The following DPP10 variants were observed in gnomAD, a reference collection of about 807,000 sequenced individuals.
DPP10 encodes inactive dipeptidyl peptidase 10.
In DPP10, 33 loss-of-function variants were observed where a neutral mutation model predicts 120.9. That is an observed-to-expected ratio of 0.27 (90% CI 0.21 to 0.37). DPP10 has a LOEUF of 0.37. Ranked by LOEUF, DPP10 falls within the 10% of genes least tolerant of loss-of-function variation. The pLI is 1.00. For synonymous variants in DPP10, 337 were observed against 326.1 expected (o/e 1.03, Z -0.36); for missense variants, 816 against 942.8 (o/e 0.87, Z 1.76).
intron 5 of DPP10, among the ~76,000 whole-genome samples, chr2:115,659,398 A>C (rs746286351): frequency 1.3e-5 from 2 of 152,104 alleles, no homozygotes. Context: ...TTATACTAAA[A>C]GTGACCAAAA....
chr2:114,806,554 A>G (rs905308115), intron 1 of DPP10, among the ~76,000 whole-genome samples: 3 of 152,218 alleles, frequency 2.0e-5, no homozygotes, highest in Admixed American at 1.3e-4. Flanking sequence ...TGGGAATGAT[A>G]TGTGTCAATG....
At chr2:115,672,525 G>T (rs1260000996) in intron 5 of DPP10, among the ~76,000 whole-genome samples, 1 of 152,026 alleles carries the variant, frequency 6.6e-6, no homozygotes, top group Non-Finnish European at 1.5e-5. Context: ...AGAAAATGAT[G>T]CACAGTTAAA....
chr2:114,758,033 C>T (rs1005751214), intron 1 of DPP10, among the ~76,000 whole-genome samples: 17 of 152,194 alleles, frequency 1.1e-4, no homozygotes, highest in African/African-American at 3.9e-4. Flanking sequence ...TATACACAGT[C>T]TCAGTGTTGC....
chr2:114,519,367 T>C (rs147156946), intron 1 of DPP10, among the ~76,000 whole-genome samples: 8 of 152,366 alleles, frequency 5.3e-5, no homozygotes, highest in African/African-American at 1.9e-4. Context: ...TTATTTATTT[T>C]ATCAGTGTTG....
intron 5 of DPP10, among the ~76,000 whole-genome samples, chr2:115,688,832 A>G (rs1330925766): frequency 6.6e-6 from 1 of 152,176 alleles, no homozygotes; most frequent in Non-Finnish European, 1.5e-5. Flanking sequence ...ATTTTTAGAT[A>G]TTACATACTT....
intron 1 of DPP10, among the ~76,000 whole-genome samples, chr2:115,105,593 G>T (rs535216735): frequency 1.3e-5 from 2 of 152,112 alleles, no homozygotes; most frequent in Non-Finnish European, 2.9e-5. Context: ...CTCCCACTTG[G>T]CCCTATATCC....
intron 1 of DPP10, among the ~76,000 whole-genome samples, chr2:114,671,316 G>A (rs1698325434): frequency 6.6e-6 from 1 of 152,094 alleles, no homozygotes; most frequent in Non-Finnish European, 1.5e-5. Flanking sequence ...TAACACTGTT[G>A]TTAAGTGTCA....
At chr2:115,520,690 T>G (rs1337833049) in intron 4 of DPP10, among the ~76,000 whole-genome samples, 1 of 152,190 alleles carries the variant, frequency 6.6e-6, no homozygotes, top group African/African-American at 2.4e-5. Flanking sequence ...GCATCTCTCA[T>G]TCTGCCTTCA....
At chr2:114,719,360 C>T (rs1329315731) in intron 1 of DPP10, among the ~76,000 whole-genome samples, 7 of 152,130 alleles carry the variant, frequency 4.6e-5, no homozygotes, top group Non-Finnish European at 1.5e-5. Flanking sequence ...AGCATTGTCA[C>T]CTGGCACAAG....
chr2:114,876,794 C>A (rs1442739480), intron 1 of DPP10, among the ~76,000 whole-genome samples: 1 of 152,026 alleles, frequency 6.6e-6, no homozygotes, highest in Non-Finnish European at 1.5e-5. Flanking sequence ...AATCTTGGAA[C>A]TATTGACATT....
chr2:115,637,368 A>T (rs930575795), intron 5 of DPP10, among the ~76,000 whole-genome samples: 4 of 152,130 alleles, frequency 2.6e-5, no homozygotes, highest in Non-Finnish European at 5.9e-5. Context: ...GGGTAAGTTA[A>T]TTGTTTTTAA....
chr2:115,601,345 G>T (rs904338954), intron 5 of DPP10, among the ~76,000 whole-genome samples: 1 of 152,098 alleles, frequency 6.6e-6, no homozygotes, highest in Non-Finnish European at 1.5e-5. Context: ...TATGCGTTTT[G>T]TTTCTGTAGC....
At chr2:114,911,176 G>A (rs902531307) in intron 1 of DPP10, among the ~76,000 whole-genome samples, 6 of 152,008 alleles carry the variant, frequency 3.9e-5, no homozygotes, top group Non-Finnish European at 5.9e-5. Context: ...TTTATTGTTT[G>A]ATTCTTTTAT....
chr2:115,301,908 T>A (rs780879121), intron 1 of DPP10, among the ~76,000 whole-genome samples: 4 of 152,050 alleles, frequency 2.6e-5, no homozygotes, highest in Non-Finnish European at 5.9e-5. Flanking sequence ...TCTAATTTAC[T>A]GTTAATTCAT....
intron 19 of DPP10, among the ~76,000 whole-genome samples, chr2:115,800,804 T>C (rs1433764504): frequency 1.3e-5 from 2 of 152,220 alleles, no homozygotes; most frequent in Non-Finnish European, 2.9e-5. Flanking sequence ...ATCTCTGTTT[T>C]GGTACGAGTA....
At chr2:115,259,713 C>T (rs908729599) in intron 1 of DPP10, among the ~76,000 whole-genome samples, 18 of 151,858 alleles carry the variant, frequency 1.2e-4, no homozygotes, top group African/African-American at 3.6e-4. Flanking sequence ...ATATTGCTGC[C>T]CTAAGTACTA....
chr2:115,556,423 C>T (rs1378602979), intron 5 of DPP10, among the ~76,000 whole-genome samples: 2 of 141,474 alleles, frequency 1.4e-5, no homozygotes, highest in East Asian at 4.2e-4. Context: ...TTATGTGTGG[C>T]CCAAGGCAAT....
At chr2:115,435,670 G>T (rs1365683112) in intron 3 of DPP10, among the ~76,000 whole-genome samples, 1 of 151,616 alleles carries the variant, frequency 6.6e-6, no homozygotes, top group Admixed American at 6.6e-5. Flanking sequence ...TTGTTGATTT[G>T]TTTCCTTTGC....
chr2:115,496,434 A>G (rs572052162), intron 3 of DPP10, among the ~76,000 whole-genome samples: 2 of 152,246 alleles, frequency 1.3e-5, no homozygotes, highest in South Asian at 4.1e-4. Flanking sequence ...GACTTTAAAT[A>G]AACTGATATT....
Sources: allele counts gnomAD v4.1 joint callset (sites outside exome capture counted in the v4.1 genomes callset), GRCh38; gene constraint gnomAD v4.1.1; transcripts MANE v1.5; gene names NCBI Gene and HGNC (gene_info 2026-07-23, HGNC 2026-07-21).